The following CORO2B variants were observed in gnomAD, a reference collection of about 807,000 sequenced individuals.
CORO2B encodes coronin-2B.
Under a neutral mutation model 58.8 loss-of-function variants are expected in CORO2B, and 26 were observed. The observed-to-expected ratio is 0.44, with a 90% CI of 0.32 to 0.61. The LOEUF (loss-of-function observed/expected upper bound fraction) is 0.61, where lower values mean the gene tolerates loss of function less well. Ranked by LOEUF, CORO2B falls within the 20% of genes least tolerant of loss-of-function variation. CORO2B has a pLI of 0.04. For missense variants in CORO2B, 460 were observed against 645.1 expected (o/e 0.71, Z 3.11); for synonymous variants, 242 against 253.8 (o/e 0.95, Z 0.44).
chr15:68,687,381 C>T, intron 2 of CORO2B, among the ~76,000 whole-genome samples: 1 of 152,210 alleles, frequency 6.6e-6, no homozygotes, highest in East Asian at 1.9e-4. Context: ...GAAGCTGAAG[C>T]TGCAATGCAG....
At chr15:68,574,679 G>C (rs945229480), upstream of CORO2B, among the ~76,000 whole-genome samples, 4 of 152,310 alleles carry the variant, frequency 2.6e-5, no homozygotes, top group Admixed American at 2.6e-4. Flanking sequence ...CATCTCCCAA[G>C]TGTCAGCCTT....
chr15:68,596,599 C>T (rs535004632), intron 1 of CORO2B, among the ~76,000 whole-genome samples: 3 of 152,204 alleles, frequency 2.0e-5, no homozygotes, highest in South Asian at 4.1e-4. Flanking sequence ...TAATACTTCT[C>T]GACTGACTGG....
At chr15:68,667,857 A>G (rs1902245649) in intron 2 of CORO2B, among the ~76,000 whole-genome samples, 1 of 152,238 alleles carries the variant, frequency 6.6e-6, no homozygotes, top group African/African-American at 2.4e-5. Flanking sequence ...GGGGCAGTGA[A>G]GACCATGGGC....
At chr15:68,595,736 A>G (rs1421463684) in intron 1 of CORO2B, among the ~76,000 whole-genome samples, 1 of 152,244 alleles carries the variant, frequency 6.6e-6, no homozygotes, top group East Asian at 1.9e-4. Flanking sequence ...GGCTCAGTGG[A>G]CACACAGAGG....
chr15:68,678,115 C>G (rs1055248039), intron 2 of CORO2B, among the ~76,000 whole-genome samples: 1 of 152,216 alleles, frequency 6.6e-6, no homozygotes, highest in Non-Finnish European at 1.5e-5. Context: ...GACTTTCCCC[C>G]CAGATGACTT....
chr15:68,722,612 T>C (rs960243486), intron 11 of CORO2B, among the ~76,000 whole-genome samples: 1 of 152,174 alleles, frequency 6.6e-6, no homozygotes, highest in South Asian at 2.1e-4. Flanking sequence ...CAAAAAACAA[T>C]GCAAAGAAAT....
intron 1 of CORO2B, among the ~76,000 whole-genome samples, chr15:68,599,160 A>G (rs574189282): frequency 3.3e-5 from 5 of 152,154 alleles, no homozygotes; most frequent in African/African-American, 1.2e-4. Context: ...CTCCCTCTCT[A>G]CTTGAAAAGT....
At chr15:68,718,135 T>C (rs943103638) in intron 8 of CORO2B, among the ~76,000 whole-genome samples, 5 of 152,202 alleles carry the variant, frequency 3.3e-5, no homozygotes, top group African/African-American at 9.7e-5. Flanking sequence ...GTTAGGGACA[T>C]GTGGTAAGTG....
At chr15:68,541,208 C>A in the CORO2B span, among the ~76,000 whole-genome samples, 2 of 147,596 alleles carry the variant, frequency 1.4e-5, no homozygotes, top group African/African-American at 5.0e-5. Context: ...GCACTCCAGC[C>A]TGGGTGACAG....
At chr15:68,666,709 G>A (rs1414647872) in intron 2 of CORO2B, among the ~76,000 whole-genome samples, 1 of 152,124 alleles carries the variant, frequency 6.6e-6, no homozygotes, top group Non-Finnish European at 1.5e-5. Flanking sequence ...GGATGGGCAG[G>A]GAAGGGGCCA....
At chr15:68,586,527 G>C (rs1899561890) in intron 1 of CORO2B, among the ~76,000 whole-genome samples, 1 of 152,184 alleles carries the variant, frequency 6.6e-6, no homozygotes, top group African/African-American at 2.4e-5. Flanking sequence ...ACATTGATGA[G>C]AGCATGGTAC....
At position 68,640,081 on chromosome 15, in the gene CORO2B, G is replaced by A. The variant is rs139688838; in HGVS notation, c.16-5079G>A. Among the ~76,000 whole-genome samples, 1,170 of 152,208 alleles carry A rather than the reference G, an allele frequency of 7.7e-3. 29 individuals carry two copies. The highest frequency in any genetic ancestry group is 0.026 in the African/African-American group (1,097 of 41,524). On this transcript the variant is annotated intron_variant, in intron 1 of 11. Coordinates refer to ENST00000261861, the MANE Select transcript of CORO2B (RefSeq NM_006091.5). The stretch of plus-strand genomic sequence containing the variant: ...GGAGTCTTTTCTGTTCCCTGCCTGC[G>A]CACCCATGCATCTGACCTCACAGTG...
the CORO2B span, among the ~76,000 whole-genome samples, chr15:68,538,613 G>A: frequency 6.6e-6 from 1 of 152,272 alleles, no homozygotes; most frequent in Middle Eastern, 3.4e-3. Context: ...GCCCCATTTT[G>A]GTCCTTTCTC....
At chr15:68,586,785 G>C (rs1387155502) in intron 1 of CORO2B, among the ~76,000 whole-genome samples, 2 of 152,036 alleles carry the variant, frequency 1.3e-5, no homozygotes, top group Non-Finnish European at 1.5e-5. Flanking sequence ...CCCAGGCAAG[G>C]GGGTGTGGAA....
intron 2 of CORO2B, among the ~76,000 whole-genome samples, chr15:68,690,261 G>C (rs1229212466): frequency 1.3e-5 from 2 of 152,148 alleles, no homozygotes; most frequent in East Asian, 3.8e-4. Flanking sequence ...TGGAGACCCA[G>C]TTGTTAAGCA....
chr15:68,653,282 G>A (rs2140279881), intron 2 of CORO2B, among the ~76,000 whole-genome samples: 1 of 152,300 alleles, frequency 6.6e-6, no homozygotes, highest in South Asian at 2.1e-4. Flanking sequence ...CGAAAAGGAA[G>A]CAGTAAACAA....
intron 8 of CORO2B, 128 bp downstream of exon 8, chr15:68,715,439 C>T (rs1485318316): frequency 3.0e-6 from 2 of 659,430 alleles, no homozygotes; most frequent in African/African-American, 3.6e-5. Flanking sequence ...CAAGTTGGAA[C>T]AGAACCTGCA....
chr15:68,582,385 A>G (rs962265323), intron 1 of CORO2B, among the ~76,000 whole-genome samples: 1 of 152,194 alleles, frequency 6.6e-6, no homozygotes, highest in African/African-American at 2.4e-5. Context: ...GGCCCTGAGC[A>G]TGCACAGGAG....
intron 2 of CORO2B, among the ~76,000 whole-genome samples, chr15:68,649,327 A>G (rs1486563195): frequency 6.6e-6 from 1 of 152,158 alleles, no homozygotes; most frequent in Non-Finnish European, 1.5e-5. Context: ...CACACTACCA[A>G]TTGATTTCTG....
Sources: gnomAD v4.1 joint callset for allele counts (sites outside exome capture counted in the v4.1 genomes callset) on GRCh38, gnomAD v4.1.1 for gene constraint, MANE v1.5 for transcripts, NCBI Gene and HGNC (gene_info 2026-07-23, HGNC 2026-07-21) for gene names.